AGBL1: variants seen among roughly 807,000 people sequenced by gnomAD.
AGBL1 encodes AGBL carboxypeptidase 1, also known as cytosolic carboxypeptidase 4.
In AGBL1, 130 loss-of-function variants were observed where a neutral mutation model predicts 118.9. The observed-to-expected ratio is 1.09, with a 90% confidence interval of 0.95 to 1.26. The LOEUF is 1.26. AGBL1 is among the 50% of genes most tolerant of loss of function. The pLI, the probability that AGBL1 is intolerant of heterozygous loss-of-function variation, is 0.00. For synonymous variants in AGBL1, 555 were observed against 478.9 expected, an observed-to-expected ratio of 1.16 and a Z score of -2.08; for missense variants, 1,584 against 1,298.1, an observed-to-expected ratio of 1.22 and a Z score of -3.38.
chr15:86,579,948 T>C (rs535713173), intron 21 of AGBL1, among the ~76,000 whole-genome samples: 1 of 152,312 alleles, frequency 6.6e-6, no homozygotes, highest in Non-Finnish European at 1.5e-5. Flanking sequence ...GAAAACTGTC[T>C]TGTGGGATGT....
chr15:86,865,662 A>G (rs1161886685), intron 22 of AGBL1, among the ~76,000 whole-genome samples: 1 of 152,164 alleles, frequency 6.6e-6, no homozygotes, highest in Non-Finnish European at 1.5e-5. Context: ...CCAAAGCACA[A>G]CCTTAGCTTC....
intron 18 of AGBL1, among the ~76,000 whole-genome samples, chr15:86,462,589 C>G (rs2082347777): frequency 6.6e-6 from 1 of 152,086 alleles, no homozygotes; most frequent in Admixed American, 6.5e-5. Context: ...TCCCCTTGCC[C>G]CCACCTCCCA....
At chr15:86,137,504 G>A (rs2076904776) in intron 1 of AGBL1, among the ~76,000 whole-genome samples, 1 of 152,158 alleles carries the variant, frequency 6.6e-6, no homozygotes, top group African/African-American at 2.4e-5. Flanking sequence ...GCTCCTTAGA[G>A]TTGATCTGGT....
At chr15:86,398,297 A>C (rs1474120305) in intron 18 of AGBL1, among the ~76,000 whole-genome samples, 4 of 152,304 alleles carry the variant, frequency 2.6e-5, no homozygotes, top group Non-Finnish European at 5.9e-5. Context: ...CCAAAGTCAC[A>C]CAGGTGGTGC....
intron 17 of AGBL1, among the ~76,000 whole-genome samples, chr15:86,364,119 A>G (rs1323123923): frequency 6.6e-6 from 1 of 151,844 alleles, no homozygotes; most frequent in Non-Finnish European, 1.5e-5. Flanking sequence ...TAACTTCCAT[A>G]CTCTGGAATA....
chr15:86,315,972 A>G (rs1306048786), intron 17 of AGBL1, among the ~76,000 whole-genome samples: 1 of 152,216 alleles, frequency 6.6e-6, no homozygotes, highest in Admixed American at 6.5e-5. Flanking sequence ...AAAAAACCTT[A>G]TCTATATTTA....
chr15:86,396,976 A>C (rs1261211804), intron 17 of AGBL1, among the ~76,000 whole-genome samples: 1 of 152,154 alleles, frequency 6.6e-6, no homozygotes, highest in South Asian at 2.1e-4. Flanking sequence ...AAATAGTTAC[A>C]TTTTTGATGA....
intron 8 of AGBL1, 115 bp from the exon 9 acceptor site, chr15:86,257,849 T>C (rs1381635253): frequency 2.1e-6 from 2 of 945,334 alleles, no homozygotes; most frequent in East Asian, 2.4e-5. Flanking sequence ...CAATTAATAT[T>C]GGGCCCCTTA....
intron 21 of AGBL1, among the ~76,000 whole-genome samples, chr15:86,624,979 G>A (rs754878055): frequency 1.3e-4 from 20 of 152,148 alleles, no homozygotes; most frequent in African/African-American, 4.8e-4. Context: ...TTGGTCTAAC[G>A]GAGGGGATCG....
intron 19 of AGBL1, among the ~76,000 whole-genome samples, chr15:86,524,576 C>CTACG (rs1360934713): frequency 2.0e-5 from 3 of 152,132 alleles, no homozygotes; most frequent in Non-Finnish European, 4.4e-5. Context: ...ATCAAATATC[C>CTACG]TACGTGGCTG....
At chr15:86,672,142 G>T (rs1337285914) in intron 21 of AGBL1, among the ~76,000 whole-genome samples, 1 of 152,098 alleles carries the variant, frequency 6.6e-6, no homozygotes, top group Non-Finnish European at 1.5e-5. Context: ...AAACAGAGTA[G>T]TAAAGAGAGA....
chr15:86,394,145 T>A (rs1359093234), intron 17 of AGBL1, among the ~76,000 whole-genome samples: 1 of 152,144 alleles, frequency 6.6e-6, no homozygotes, highest in Non-Finnish European at 1.5e-5. Context: ...GAAACTTACA[T>A]AACTCATCTC....
rs1259323650 is a variant in AGBL1, at chr15:86,954,568, C to G, written c.3222-33419C>G. ...ACAGGAACAAAAGACCAAATACCAC[C>G]TGTTCTCACTTTTAAGTGGGAGCTA... On this transcript the variant is annotated intron_variant, in intron 23 of 24. Transcript: ENST00000441037. 4.6e-5 allele frequency among the ~76,000 whole-genome samples: 7 copies of G among 152,158 alleles called. 1 individual carries two copies. In the South Asian group the frequency reaches 1.2e-3, roughly 27 times the overall value.
At chr15:86,974,695 A>G (rs886931851) in intron 23 of AGBL1, among the ~76,000 whole-genome samples, 8 of 150,498 alleles carry the variant, frequency 5.3e-5, no homozygotes, top group Non-Finnish European at 7.4e-5. Context: ...TAAAAAAAAC[A>G]GTGATCAGAA....
chr15:86,319,744 T>TG, intron 17 of AGBL1, among the ~76,000 whole-genome samples: 1 of 14,174 alleles, frequency 7.1e-5, no homozygotes, highest in African/African-American at 5.3e-4. Flanking sequence ...TCTTTGGTAG[T>TG]TTTTTTTTTT....
chr15:86,768,062 T>G (rs544752837), intron 22 of AGBL1, among the ~76,000 whole-genome samples: 1 of 152,122 alleles, frequency 6.6e-6, no homozygotes, highest in Non-Finnish European at 1.5e-5. Flanking sequence ...GTGTCTGCCC[T>G]GATCATGTTG....
chr15:86,500,997 T>C (rs1388386383), intron 18 of AGBL1, among the ~76,000 whole-genome samples: 1 of 151,684 alleles, frequency 6.6e-6, no homozygotes, highest in Non-Finnish European at 1.5e-5. Context: ...TATTTTTAGT[T>C]CTCTTGGATA....
intron 21 of AGBL1, among the ~76,000 whole-genome samples, chr15:86,605,150 A>T (rs567835411): frequency 7.0e-6 from 1 of 143,752 alleles, no homozygotes; most frequent in East Asian, 2.6e-4. Context: ...TATTTTTTTT[A>T]AAAAGAACAA....
At chr15:86,603,575 C>T (rs1028296668) in intron 21 of AGBL1, among the ~76,000 whole-genome samples, 3 of 152,078 alleles carry the variant, frequency 2.0e-5, no homozygotes, top group African/African-American at 7.2e-5. Context: ...TGGGATAAAG[C>T]TGGCACACTA....
Sources: gnomAD v4.1 joint callset for allele counts (sites outside exome capture counted in the v4.1 genomes callset) on GRCh38, gnomAD v4.1.1 for gene constraint, MANE v1.5 for transcripts, NCBI Gene and HGNC (gene_info 2026-07-23, HGNC 2026-07-21) for gene names.